The following FAM78B variants were observed in gnomAD, a reference collection of about 807,000 sequenced individuals.
FAM78B encodes family with sequence similarity 78 member B.
Under a neutral mutation model 20.0 loss-of-function variants are expected in FAM78B, and 10 were observed. That is an observed-to-expected ratio of 0.50 (90% CI 0.31 to 0.85). The LOEUF is 0.85. Ranked by LOEUF, FAM78B falls within the 40% of genes least tolerant of loss-of-function variation. The pLI, the probability that FAM78B is intolerant of heterozygous loss-of-function variation, is 0.05. For missense variants in FAM78B, 283 were observed against 345.0 expected (o/e 0.82, Z 1.42); for synonymous variants, 135 against 132.8 (o/e 1.02, Z -0.12).
At chr1:166,110,620 T>C (rs908324824) in intron 1 of FAM78B, among the ~76,000 whole-genome samples, 2 of 152,178 alleles carry the variant, frequency 1.3e-5, no homozygotes, top group African/African-American at 4.8e-5. Flanking sequence ...CACTGGCTAG[T>C]GGCTTGGTGG....
chr1:166,157,033 CGGA>C (rs1326145625), intron 1 of FAM78B, among the ~76,000 whole-genome samples: 401 of 892 alleles, frequency 0.45, 34 homozygotes, highest in African/African-American at 0.47. Context: ...AAGGGGGCGG[CGGA>C]GGGGGGGGGG....
At chr1:166,140,851 T>C (rs960552660) in intron 1 of FAM78B, among the ~76,000 whole-genome samples, 1 of 152,194 alleles carries the variant, frequency 6.6e-6, no homozygotes, top group African/African-American at 2.4e-5. Context: ...TCCATAATTC[T>C]GGGGCATGGG....
intron 1 of FAM78B, among the ~76,000 whole-genome samples, chr1:166,117,960 CG>C (rs1452878056): frequency 2.0e-5 from 3 of 151,890 alleles, no homozygotes; most frequent in Non-Finnish European, 4.4e-5. Context: ...TTGGGAGGGG[CG>C]GGGGTGATGG....
At chr1:166,123,903 T>C (rs1329487385) in intron 1 of FAM78B, among the ~76,000 whole-genome samples, 1 of 152,176 alleles carries the variant, frequency 6.6e-6, no homozygotes, top group African/African-American at 2.4e-5. Flanking sequence ...CGCTTGATAA[T>C]TATTGCGGCC....
chr1:166,139,610 T>G (rs968133686), intron 1 of FAM78B, among the ~76,000 whole-genome samples: 1 of 152,068 alleles, frequency 6.6e-6, no homozygotes, highest in Admixed American at 6.6e-5. Context: ...GAGGTGGCAT[T>G]TGAACATCAA....
chr1:166,159,458 C>G (rs536495910), intron 1 of FAM78B, among the ~76,000 whole-genome samples: 2 of 152,056 alleles, frequency 1.3e-5, no homozygotes, highest in East Asian at 3.9e-4. Context: ...GAATGCAGTA[C>G]GAATTAGAAG....
At chr1:166,109,858 ATATGTATGTG>A (rs1159220989) in intron 1 of FAM78B, among the ~76,000 whole-genome samples, 21 of 28,080 alleles carry the variant, frequency 7.5e-4, no homozygotes, top group South Asian at 1.3e-3. Context: ...ATATATATAT[ATATGTATGTG>A]TATATATATA....
At chr1:166,077,167 GA>G (rs1226309972) in intron 1 of FAM78B, among the ~76,000 whole-genome samples, 1 of 151,994 alleles carries the variant, frequency 6.6e-6, no homozygotes, top group African/African-American at 2.4e-5. Context: ...ACAAGCACAA[GA>G]AAAAAACGAG....
intron 1 of FAM78B, among the ~76,000 whole-genome samples, chr1:166,125,135 T>C (rs994120142): frequency 2.6e-5 from 4 of 152,226 alleles, no homozygotes; most frequent in Admixed American, 2.6e-4. Flanking sequence ...ATGCAGGTTC[T>C]GGAGTGGTTT....
chr1:166,151,157 A>G (rs1655662673), intron 1 of FAM78B, among the ~76,000 whole-genome samples: 1 of 152,194 alleles, frequency 6.6e-6, no homozygotes, highest in African/African-American at 2.4e-5. Flanking sequence ...GTAATAGCTC[A>G]AGAGTTCAAT....
chr1:166,154,536 T>A (rs946290913), intron 1 of FAM78B, among the ~76,000 whole-genome samples: 1 of 152,228 alleles, frequency 6.6e-6, no homozygotes, highest in East Asian at 1.9e-4. Context: ...TTCCTCTCTG[T>A]GCTGCCAAGG....
exon 3 of FAM78B, chr1:166,058,574 G>A (rs1016910691): frequency 6.6e-6 from 1 of 151,494 alleles, no homozygotes; most frequent in African/African-American, 2.4e-5. Flanking sequence ...TACATTCTAT[G>A]TATATACCTG....
chr1:166,152,978 C>T (rs1655743049), intron 1 of FAM78B, among the ~76,000 whole-genome samples: 1 of 152,158 alleles, frequency 6.6e-6, no homozygotes, highest in Admixed American at 6.5e-5. Flanking sequence ...AGCTGGTACT[C>T]TGGTTTTAAC....
At chr1:166,147,965 A>G (rs1389749692) in intron 1 of FAM78B, 1 of 152,180 alleles carries the variant, frequency 6.6e-6, no homozygotes, top group Non-Finnish European at 1.5e-5. Context: ...GTTGCCTGCA[A>G]TCAAAGAGGG....
At chr1:166,095,054 TTCA>T (rs1196637491) in intron 1 of FAM78B, among the ~76,000 whole-genome samples, 3 of 152,154 alleles carry the variant, frequency 2.0e-5, no homozygotes, top group Non-Finnish European at 4.4e-5. Flanking sequence ...CACTTCTGCC[TTCA>T]TCATTAGACC....
At chr1:166,130,489 A>G (rs1654832305) in intron 1 of FAM78B, among the ~76,000 whole-genome samples, 1 of 152,158 alleles carries the variant, frequency 6.6e-6, no homozygotes, top group African/African-American at 2.4e-5. Context: ...TCTGCCCTTC[A>G]GAGGACACCT....
At chr1:166,154,944 A>T in intron 1 of FAM78B, 1 of 418,724 alleles carries the variant, frequency 2.4e-6, no homozygotes, top group South Asian at 1.8e-5. Flanking sequence ...CCATTTCTCT[A>T]CTCTTTAATC....
At chr1:166,108,131 AAGTCCT>A (rs1291554604) in intron 1 of FAM78B, among the ~76,000 whole-genome samples, 1 of 152,164 alleles carries the variant, frequency 6.6e-6, no homozygotes, top group South Asian at 2.1e-4. Context: ...ATAGTACTGG[AAGTCCT>A]AGTCAGAGCA....
intron 1 of FAM78B, among the ~76,000 whole-genome samples, chr1:166,109,903 T>C (rs1363661634): frequency 2.1e-4 from 21 of 102,316 alleles, no homozygotes; most frequent in East Asian, 3.6e-4. Context: ...TATATATATA[T>C]ATATATATAT....
Sources: gnomAD v4.1 joint callset for allele counts (sites outside exome capture counted in the v4.1 genomes callset) on GRCh38, gnomAD v4.1.1 for gene constraint, MANE v1.5 for transcripts, NCBI Gene and HGNC (gene_info 2026-07-23, HGNC 2026-07-21) for gene names.